Variants in CCDC149 observed in about 807,000 individuals in gnomAD.
CCDC149 encodes coiled-coil domain containing 149, also known as coiled-coil domain-containing protein 149.
A neutral mutation model predicts 59.9 loss-of-function variants in CCDC149; 45 were observed. That is an observed-to-expected ratio of 0.75 (90% CI 0.59 to 0.96). The LOEUF is 0.96. Among genes scored for constraint, CCDC149 ranks in the 40% least tolerant of loss-of-function variants. CCDC149 has a pLI of 0.00. For missense variants in CCDC149, 584 were observed against 664.7 expected (o/e 0.88, Z 1.33); for synonymous variants, 245 against 260.6 (o/e 0.94, Z 0.58).
At chr4:24,952,602 A>T (rs1723327412) in intron 1 of CCDC149, among the ~76,000 whole-genome samples, 1 of 35,460 alleles carries the variant, frequency 2.8e-5, no homozygotes, top group African/African-American at 1.3e-4. Context: ...TCTCAAAAAA[A>T]AAAAAAAAAA....
intron 12 of CCDC149, among the ~76,000 whole-genome samples, chr4:24,816,369 A>C (rs1577376811): frequency 6.6e-6 from 1 of 152,230 alleles, no homozygotes; most frequent in Non-Finnish European, 1.5e-5. Flanking sequence ...TGGGATTACA[A>C]GTATGAGCCA....
At chr4:24,843,387 T>C (rs1422595671) in intron 4 of CCDC149, among the ~76,000 whole-genome samples, 1 of 152,194 alleles carries the variant, frequency 6.6e-6, no homozygotes, top group Non-Finnish European at 1.5e-5. Flanking sequence ...AGTGGCACTG[T>C]ACTGGGCAAC....
At chr4:24,920,276 C>A (rs1231460111) in intron 1 of CCDC149, among the ~76,000 whole-genome samples, 1 of 152,190 alleles carries the variant, frequency 6.6e-6, no homozygotes, top group African/African-American at 2.4e-5. Context: ...TCTGAAGGCT[C>A]AACTACACTG....
At chr4:24,917,590 G>A (rs1722166200), upstream of CCDC149, among the ~76,000 whole-genome samples, 2 of 152,116 alleles carry the variant, frequency 1.3e-5, no homozygotes, top group African/African-American at 4.8e-5. Flanking sequence ...GGGAGAGACA[G>A]GGCCTGGGGT....
rs114153199 is a variant in CCDC149, at chr4:24,875,899, T to A, written c.225+637A>T. Among the ~76,000 whole-genome samples, 285 of 152,296 alleles carry A rather than the reference T, an allele frequency of 1.9e-3. 1 individual carries two copies. The highest frequency in any genetic ancestry group is 6.5e-3 in the African/African-American group (272 of 41,560). On this transcript the variant is annotated intron_variant, in intron 2 of 12. Transcript: ENST00000635206. ...TCACACATACAGTAGTCCCCACCTG[T>A]CCTCAGTTTCAGGTACCTGAGATCA...
Position 24,869,681 on chromosome 4 carries a change from C to T in CCDC149, c.264+4000G>A, listed in dbSNP as rs74693827. 0.016 allele frequency among the ~76,000 whole-genome samples: 2,458 copies of T among 152,220 alleles called. 135 individuals are homozygous for T. In the East Asian group the frequency reaches 0.2, roughly 12 times the overall value. On this transcript the variant is annotated intron_variant, in intron 3 of 12. Coordinates refer to ENST00000635206, the MANE Select transcript of CCDC149 (RefSeq NM_001330643.2). ...GGCACTGCACATTGATGGATGCTCA[C>T]CTTACGCCAGGCACCATACTGAGGC...
intron 1 of CCDC149, among the ~76,000 whole-genome samples, chr4:24,940,063 C>T (rs1378243390): frequency 2.6e-5 from 4 of 152,158 alleles, no homozygotes; most frequent in Non-Finnish European, 5.9e-5. Flanking sequence ...AGATACTCCT[C>T]GAGAAGAGCA....
chr4:24,845,436 G>T (rs574399531), intron 4 of CCDC149, among the ~76,000 whole-genome samples: 10 of 152,268 alleles, frequency 6.6e-5, no homozygotes, highest in Admixed American at 6.5e-4. Flanking sequence ...ATCACCTCCT[G>T]ACATATTATA....
At chr4:24,973,680 C>T (rs1316412734) in intron 1 of CCDC149, among the ~76,000 whole-genome samples, 4 of 152,214 alleles carry the variant, frequency 2.6e-5, no homozygotes, top group Non-Finnish European at 5.9e-5. Flanking sequence ...GCTGTGCCTA[C>T]AGCAGTCTCT....
Position 24,808,709 on chromosome 4 carries a change from C to T in CCDC149, c.1303G>A (p.Gly435Arg). 17 of 1,552,304 alleles carry T rather than the reference C, an allele frequency of 1.1e-5. No homozygotes were observed. Among genetic ancestry groups the T allele is most frequent in the Non-Finnish European group, 1.5e-5 (17 of 1,147,128 alleles). Residue 435 changes from glycine to arginine, a missense_variant, in exon 13 of 13, where the codon GGG (glycine) becomes AGG (arginine). Coordinates refer to ENST00000635206, the MANE Select transcript of CCDC149 (RefSeq NM_001330643.2). Reference sequence around the variant, plus strand: ...GGATGAAAGAGCTTGCATTGGTTCCCGCGGCTCTGATTTGCTGGGGAGTTG... The same window carrying T: ...GGATGAAAGAGCTTGCATTGGTTCCTGCGGCTCTGATTTGCTGGGGAGTTG...
At chr4:24,956,443 ACCAGAC>A (rs1723468067) in intron 1 of CCDC149, among the ~76,000 whole-genome samples, 2 of 152,112 alleles carry the variant, frequency 1.3e-5, no homozygotes, top group Admixed American at 1.3e-4. Context: ...CGAGAGCTAA[ACCAGAC>A]CTAGGTAATT....
At chr4:24,831,671 A>G (rs1267303414) in intron 8 of CCDC149, 21 bp from the exon 9 acceptor site, 9 of 1,606,042 alleles carry the variant, frequency 5.6e-6, no homozygotes, top group Non-Finnish European at 7.7e-6. Flanking sequence ...TACAAAATGT[A>G]TAACTCAGTC....
chr4:24,926,111 G>A (rs1386396813), intron 1 of CCDC149, among the ~76,000 whole-genome samples: 3 of 152,138 alleles, frequency 2.0e-5, no homozygotes, highest in Non-Finnish European at 2.9e-5. Flanking sequence ...CAGGAGAATC[G>A]CTTGAACCCG....
chr4:24,932,878 C>T (rs539640612), intron 1 of CCDC149, among the ~76,000 whole-genome samples: 23 of 152,190 alleles, frequency 1.5e-4, no homozygotes, highest in East Asian at 1.4e-3. Flanking sequence ...TGGAGCTGTG[C>T]GAACCAATTT....
At chr4:24,833,851 A>AT (rs1716326177) in intron 8 of CCDC149, among the ~76,000 whole-genome samples, 1 of 152,162 alleles carries the variant, frequency 6.6e-6, no homozygotes, top group Admixed American at 6.5e-5. Flanking sequence ...AGAGTCATAG[A>AT]TTTTGTTTAC....
chr4:24,892,704 G>A (rs1720600499), intron 1 of CCDC149, among the ~76,000 whole-genome samples: 2 of 152,110 alleles, frequency 1.3e-5, no homozygotes, highest in South Asian at 2.1e-4. Context: ...CCAGTGAGAT[G>A]GAAGCAACAG....
At position 24,929,676 on chromosome 4, in the gene CCDC149, T is replaced by C. The variant is rs79718753; in HGVS notation, c.-64-34558A>G. 1.1e-3 allele frequency among the ~76,000 whole-genome samples: 164 copies of C among 152,270 alleles called. 2 individuals are homozygous for C. In the East Asian group the frequency reaches 0.029, roughly 27 times the overall value. On this transcript the variant is annotated intron_variant, in intron 1 of 12. Coordinates refer to the CCDC149 transcript ENST00000389609. Reference sequence around the variant, plus strand: ...ACTTTCTGTCCTAAAGACCTCCTGATTTCCTCCCTCTGTGCCTCTGCTTAT... The same window carrying C: ...ACTTTCTGTCCTAAAGACCTCCTGACTTCCTCCCTCTGTGCCTCTGCTTAT...
downstream of CCDC149, among the ~76,000 whole-genome samples, chr4:24,805,096 T>A (rs542534965): frequency 2.0e-5 from 3 of 152,242 alleles, no homozygotes; most frequent in South Asian, 2.1e-4. Context: ...CAGGCCTTAA[T>A]CAAAAGAAAG....
intron 1 of CCDC149, among the ~76,000 whole-genome samples, chr4:24,878,098 T>C (rs1340922433): frequency 6.6e-6 from 1 of 151,746 alleles, no homozygotes; most frequent in East Asian, 1.9e-4. Flanking sequence ...TGCTCTTTTA[T>C]GGACAAAAAG....
Sources: allele counts gnomAD v4.1 joint callset (sites outside exome capture counted in the v4.1 genomes callset), GRCh38; gene constraint gnomAD v4.1.1; transcripts MANE v1.5; gene names NCBI Gene and HGNC (gene_info 2026-07-23, HGNC 2026-07-21).